TLN2: variants seen among roughly 807,000 people sequenced by gnomAD.
TLN2 encodes the protein talin-2.
A neutral mutation model predicts 294.7 loss-of-function variants in TLN2; 118 were observed. That is an observed-to-expected ratio of 0.40 (90% CI 0.34 to 0.47). The LOEUF (loss-of-function observed/expected upper bound fraction) is 0.47. Among genes scored for constraint, TLN2 ranks in the 20% least tolerant of loss-of-function variants. TLN2 has a pLI of 0.84. For synonymous variants in TLN2, 1,431 were observed against 1,304.5 expected (o/e 1.10, Z -2.09); for missense variants, 3,083 against 3,282.2 (o/e 0.94, Z 1.48).
In TLN2 at chr15:62,456,711, A is replaced by G. The variant is rs552904342; in HGVS notation, c.-238+66026A>G. 6.1e-3 allele frequency among the ~76,000 whole-genome samples: 890 copies of G among 145,706 alleles called. 9 individuals carry two copies. The highest frequency in any genetic ancestry group is 0.021 in the African/African-American group (850 of 40,188). On this transcript the variant is annotated intron_variant, in intron 1 of 58. Coordinates refer to ENST00000636159, the MANE Select transcript of TLN2 (RefSeq NM_015059.3). ...TTGAGGTTGGGAATGAGGGCTTGTC[A>G]CATAGTTAGTATGTTTTCAGAGGCT...
intron 1 of TLN2, among the ~76,000 whole-genome samples, chr15:62,509,749 C>A (rs2140449161): frequency 6.6e-6 from 1 of 152,190 alleles, no homozygotes; most frequent in African/African-American, 2.4e-5. Context: ...ACAGACAGGA[C>A]CACTGAAGCC....
At chr15:62,755,480 C>A in intron 36 of TLN2, 52 bp from the exon 37 acceptor site, 1 of 1,581,156 alleles carries the variant, frequency 6.3e-7, no homozygotes, top group South Asian at 1.2e-5. Context: ...CCGGGGTGGA[C>A]CCCTCTGCAC....
intron 2 of TLN2, among the ~76,000 whole-genome samples, chr15:62,600,772 C>A (rs2046927994): frequency 6.6e-6 from 1 of 152,238 alleles, no homozygotes; most frequent in Non-Finnish European, 1.5e-5. Flanking sequence ...CTTCTGTCCC[C>A]TTCCCTCTTC....
chr15:62,656,151 G>A (rs940228972), intron 8 of TLN2, 65 bp downstream of exon 8: 2 of 1,589,546 alleles, frequency 1.3e-6, no homozygotes, highest in Non-Finnish European at 1.7e-6. Flanking sequence ...GCTGTATCTT[G>A]TGGCGAGCAG....
chr15:62,828,080 GTCCCAAATACTC>G (rs2068394539), intron 54 of TLN2: 1 of 152,292 alleles, frequency 6.6e-6, no homozygotes, highest in Admixed American at 6.5e-5. Context: ...ACATAAAGGG[GTCCCAAATACTC>G]TCCCAACTGG....
intron 3 of TLN2, chr15:62,638,449 A>T (rs929071053): frequency 2.3e-6 from 1 of 439,528 alleles, no homozygotes; most frequent in Non-Finnish European, 4.6e-6. Context: ...GCCAGTGCCA[A>T]GAACTACCTG....
chr15:62,605,342 A>G (rs1329357811), intron 2 of TLN2, among the ~76,000 whole-genome samples: 1 of 152,238 alleles, frequency 6.6e-6, no homozygotes, highest in Admixed American at 6.5e-5. Context: ...TATACGTAAC[A>G]TTTTACAAAT....
chr15:62,451,804 G>C (rs971403472), intron 1 of TLN2, among the ~76,000 whole-genome samples: 6 of 152,166 alleles, frequency 3.9e-5, no homozygotes, highest in African/African-American at 9.7e-5. Flanking sequence ...TTCTGCCTTT[G>C]ACTCTGTTTT....
chr15:62,712,392 G>C (rs2059480936), intron 22 of TLN2, among the ~76,000 whole-genome samples: 1 of 152,180 alleles, frequency 6.6e-6, no homozygotes, highest in South Asian at 2.1e-4. Flanking sequence ...TTTTTCAATA[G>C]CAAATTCACC....
intron 54 of TLN2, among the ~76,000 whole-genome samples, chr15:62,824,545 T>C (rs991153416): frequency 1.3e-5 from 2 of 152,352 alleles, no homozygotes; most frequent in African/African-American, 4.8e-5. Context: ...GCATGGATAC[T>C]GAGTCAGTGA....
intron 13 of TLN2, among the ~76,000 whole-genome samples, chr15:62,694,077 C>T (rs556506682): frequency 2.6e-4 from 39 of 151,092 alleles, no homozygotes; most frequent in African/African-American, 9.0e-4. Flanking sequence ...AAGCAATTCT[C>T]CTGCCTCAGC....
At chr15:62,533,827 T>A (rs1290548793) in intron 1 of TLN2, among the ~76,000 whole-genome samples, 1 of 152,152 alleles carries the variant, frequency 6.6e-6, no homozygotes, top group Non-Finnish European at 1.5e-5. Context: ...AAGGGCCCCA[T>A]GCAGCAAGCC....
At chr15:62,686,239 TAGTTA>T (rs1456876877) in intron 11 of TLN2, among the ~76,000 whole-genome samples, 1 of 152,236 alleles carries the variant, frequency 6.6e-6, no homozygotes, top group African/African-American at 2.4e-5. Context: ...GACAGAGTTT[TAGTTA>T]AGTTAATTTT....
intron 14 of TLN2, among the ~76,000 whole-genome samples, chr15:62,694,754 G>T (rs565756834): frequency 6.6e-6 from 1 of 152,306 alleles, no homozygotes; most frequent in East Asian, 1.9e-4. Context: ...TTTGATTCTG[G>T]CCCCTTTTGT....
intron 1 of TLN2, among the ~76,000 whole-genome samples, chr15:62,449,366 C>G (rs1313593961): frequency 2.6e-5 from 4 of 152,188 alleles, no homozygotes; most frequent in Non-Finnish European, 5.9e-5. Context: ...TCCTGTTCCT[C>G]TCTCCTCTGC....
chr15:62,765,787 G>A (rs895983415), intron 40 of TLN2, among the ~76,000 whole-genome samples: 11 of 152,176 alleles, frequency 7.2e-5, no homozygotes, highest in African/African-American at 2.7e-4. Flanking sequence ...ATATTTGCAT[G>A]CACACTACCA....
rs536487418 is a variant in TLN2, at chr15:62,408,483, C to G, written c.-238+17798C>G. On this transcript the variant is annotated intron_variant, in intron 1 of 58. Transcript: ENST00000636159. ...CAGCCCAATATTAATGCAATATTGT[C>G]ACTGTATAGTTCAGCTTTTGATACT... 2.0e-5 allele frequency among the ~76,000 whole-genome samples: 3 copies of G among 152,294 alleles called. No homozygotes were observed. In the East Asian group the frequency reaches 5.8e-4, roughly 29 times the overall value.
chr15:62,609,163 C>G (rs796365600), intron 2 of TLN2, among the ~76,000 whole-genome samples: 4 of 152,218 alleles, frequency 2.6e-5, no homozygotes, highest in African/African-American at 7.2e-5. Flanking sequence ...TAAAAAAATA[C>G]TTTAAAAGGT....
chr15:62,549,475 G>GCCATCCAT (rs774084813), intron 1 of TLN2, among the ~76,000 whole-genome samples: 1 of 125,212 alleles, frequency 8.0e-6, no homozygotes, highest in African/African-American at 3.0e-5. Flanking sequence ...TGCCATGCAT[G>GCCATCCAT]CCATGCATCC....
Sources: gnomAD v4.1 joint callset for allele counts (sites outside exome capture counted in the v4.1 genomes callset) on GRCh38, gnomAD v4.1.1 for gene constraint, MANE v1.5 for transcripts, NCBI Gene and HGNC (gene_info 2026-07-23, HGNC 2026-07-21) for gene names.